POT1: variants seen among roughly 807,000 people sequenced by gnomAD.
POT1 encodes protection of telomeres 1.
POT1 carries 47 observed loss-of-function variants against 78.5 expected under a neutral mutation model. The observed-to-expected ratio is 0.60, with a 90% CI of 0.47 to 0.76. POT1 has a LOEUF of 0.76. Ranked by LOEUF, POT1 falls within the 30% of genes least tolerant of loss-of-function variation. The pLI is 0.00. For synonymous variants in POT1, 259 were observed against 260.7 expected (o/e 0.99, Z 0.06); for missense variants, 646 against 749.9 (o/e 0.86, Z 1.62).
intron 7 of POT1, among the ~76,000 whole-genome samples, chr7:124,869,930 TC>T (rs2116564126): frequency 6.6e-6 from 1 of 152,234 alleles, no homozygotes; most frequent in East Asian, 1.9e-4. Flanking sequence ...TTCTCTATTA[TC>T]CTCTTATTCT....
chr7:124,858,041 G>A (rs1281066671), intron 9 of POT1, among the ~76,000 whole-genome samples: 1 of 152,092 alleles, frequency 6.6e-6, no homozygotes, highest in Non-Finnish European at 1.5e-5. Flanking sequence ...CCACTCCTGT[G>A]GTCTGAGTGA....
Position 124,823,560 on chromosome 7 carries a change from G to C in POT1, c.*402C>G, listed in dbSNP as rs1337012326. 1 of 156,874 alleles carries C rather than the reference G, an allele frequency of 6.4e-6. No individual in the cohort carries two copies. Among genetic ancestry groups the C allele is most frequent in the Non-Finnish European group, 1.4e-5 (1 of 71,472 alleles). The allele number at this position is 156,874 out of a possible 1,614,324, so 9.7% of individuals were successfully genotyped here. A position where few individuals can be genotyped will look rare whatever the true frequency, so the allele number is the denominator to read the frequency against. On this transcript the variant is annotated 3_prime_UTR_variant, in exon 19 of 19. Transcript: ENST00000357628. ...ACTTTTATTAGGTTGAGGTGAAATA[G>C]AGAAATCTCTACTATCCTGGAGAGA...
At chr7:124,871,184 T>G (rs1450725753) in intron 6 of POT1, 143 bp from the exon 7 acceptor site, 1 of 590,660 alleles carries the variant, frequency 1.7e-6, no homozygotes, top group Non-Finnish European at 2.6e-6. Flanking sequence ...GACATTTTCT[T>G]GGCTTTCAAT....
Position 124,829,260 on chromosome 7 carries a change from C to A in POT1, c.1588G>T (p.Ala530Ser), listed in dbSNP as rs1180650416. The A allele has an allele frequency of 6.3e-7, 1 of 1,595,726 alleles. No individual in the cohort carries two copies. The highest frequency in any genetic ancestry group is 1.1e-5 in the South Asian group (1 of 90,276). The change falls in exon 16 of 19, where the codon GCA becomes TCA. Residue 530 changes from alanine to serine, a missense_variant. Physicochemically the swap from Ala to Ser is moderately conservative, Grantham distance 99 (BLOSUM62 1). Coordinates refer to ENST00000357628, the MANE Select transcript of POT1 (RefSeq NM_015450.3). ...DKTSWIPSSV[A>S]EALGIVPLQY... ...GCATGGAAATTTAGCTAACCTTCTG[C>A]CACAGAAGAAGGAATCCACGATGTT...
chr7:124,825,390 A>C (rs751353377), intron 17 of POT1, 33 bp from the exon 18 acceptor site: 1 of 1,309,972 alleles, frequency 7.6e-7, no homozygotes, highest in South Asian at 1.3e-5. Context: ...AAAAAAAAGG[A>C]AATAATATTA....
intron 11 of POT1, among the ~76,000 whole-genome samples, chr7:124,848,101 C>T (rs1584762364): frequency 6.6e-6 from 1 of 152,132 alleles, no homozygotes; most frequent in African/African-American, 2.4e-5. Flanking sequence ...ATAGTATATA[C>T]AAAAAGAGTA....
intron 11 of POT1, among the ~76,000 whole-genome samples, chr7:124,851,241 C>T (rs770231354): frequency 3.3e-5 from 5 of 152,032 alleles, no homozygotes; most frequent in African/African-American, 7.2e-5. Flanking sequence ...AGTTTGAAGC[C>T]GCAGTGAGCT....
At chr7:124,854,836 A>T (rs1402179875) in intron 9 of POT1, among the ~76,000 whole-genome samples, 1 of 151,884 alleles carries the variant, frequency 6.6e-6, no homozygotes, top group East Asian at 1.9e-4. Flanking sequence ...TGACTGGATT[A>T]TTTTGTGATT....
At chr7:124,858,808 T>G in intron 9 of POT1, 149 bp downstream of exon 9, 1 of 480,940 alleles carries the variant, frequency 2.1e-6, no homozygotes, top group East Asian at 3.4e-5. Flanking sequence ...TATTGTAACA[T>G]ACATTTTACA....
intron 15 of POT1, among the ~76,000 whole-genome samples, chr7:124,832,184 A>C (rs1404366206): frequency 3.5e-5 from 5 of 143,152 alleles, no homozygotes; most frequent in African/African-American, 1.3e-4. Context: ...GCTTGAGCCC[A>C]GGATGTCAAG....
chr7:124,874,314 C>T (rs181838327), intron 6 of POT1, among the ~76,000 whole-genome samples: 5 of 152,252 alleles, frequency 3.3e-5, no homozygotes, highest in Admixed American at 3.3e-4. Context: ...TAGTCACTAT[C>T]AAGTTTCCCA....
intron 16 of POT1, among the ~76,000 whole-genome samples, chr7:124,828,218 T>G (rs1355009037): frequency 2.6e-5 from 4 of 152,146 alleles, no homozygotes; most frequent in Admixed American, 2.6e-4. Context: ...CTTTCTATTA[T>G]AAGCTAGGGG....
rs181013916 is a variant in POT1 at position 124,915,560 on chromosome 7, C to G, written c.-154+14G>C. ...GAAAAAGATAAGTAGAAATAGTTTG[C>G]TTATACTATATACCTTGTAGTCCAA... On this transcript the variant is annotated intron_variant, in intron 3 of 18. Coordinates refer to ENST00000357628, the MANE Select transcript of POT1 (RefSeq NM_015450.3). 1 of 152,056 alleles carries G rather than the reference C, an allele frequency of 6.6e-6. No homozygotes were observed. The highest frequency in any genetic ancestry group is 2.4e-5 in the African/African-American group (1 of 41,496). 9.4% of individuals were successfully genotyped at this position (152,056 alleles called of 1,614,324 possible). A position where few individuals can be genotyped will look rare whatever the true frequency, so the allele number is the denominator to read the frequency against.
At chr7:124,923,949 T>G (rs559045019) in intron 2 of POT1, among the ~76,000 whole-genome samples, 3 of 151,158 alleles carry the variant, frequency 2.0e-5, no homozygotes, top group Non-Finnish European at 4.4e-5. Flanking sequence ...CCTGCCAGAA[T>G]AAGCTTAATA....
chr7:124,900,895 C>A, intron 3 of POT1: 1 of 332,198 alleles, frequency 3.0e-6, no homozygotes, highest in South Asian at 2.4e-5. Context: ...GAGTTTTGCT[C>A]ATTGCTGGCA....
chr7:124,877,683 T>C (rs1283281034), intron 6 of POT1, among the ~76,000 whole-genome samples: 2 of 150,916 alleles, frequency 1.3e-5, no homozygotes, highest in Admixed American at 1.3e-4. Flanking sequence ...AATACAAAAA[T>C]TTAGCCAGGC....
chr7:124,919,180 T>C (rs1051264603), intron 2 of POT1, among the ~76,000 whole-genome samples: 2 of 151,968 alleles, frequency 1.3e-5, no homozygotes, highest in Non-Finnish European at 2.9e-5. Context: ...TATAAGACAA[T>C]GGTAAGTATG....
chr7:124,829,518 A>G (rs545006789), intron 15 of POT1, among the ~76,000 whole-genome samples, 176 bp from the exon 16 acceptor site: 4 of 152,266 alleles, frequency 2.6e-5, no homozygotes, highest in Non-Finnish European at 5.9e-5. Flanking sequence ...ATGAAAGAGT[A>G]AGCTTATTAC....
At chr7:124,828,919 A>G (rs745456366) in intron 16 of POT1, 12 of 569,962 alleles carry the variant, frequency 2.1e-5, no homozygotes, top group East Asian at 9.0e-5. Flanking sequence ...ATTTCACTCT[A>G]TTCTGAATTG....
Sources: allele counts gnomAD v4.1 joint callset (sites outside exome capture counted in the v4.1 genomes callset), GRCh38; gene constraint gnomAD v4.1.1; transcripts MANE v1.5; gene names NCBI Gene and HGNC (gene_info 2026-07-23, HGNC 2026-07-21).